CACNG2: variants seen among roughly 807,000 people sequenced by gnomAD.
CACNG2 encodes voltage-dependent calcium channel gamma-2 subunit.
A neutral mutation model predicts 25.9 loss-of-function variants in CACNG2; 3 were observed. The observed-to-expected ratio is 0.12, with a 90% confidence interval of 0.05 to 0.30. The LOEUF is 0.30. Among genes scored for constraint, CACNG2 ranks in the 10% least tolerant of loss-of-function variants. The pLI is 1.00. For synonymous variants in CACNG2, 167 were observed against 173.3 expected, an observed-to-expected ratio of 0.96 and a Z score of 0.29; for missense variants, 341 against 432.5, an observed-to-expected ratio of 0.79 and a Z score of 1.88.
intron 1 of CACNG2, among the ~76,000 whole-genome samples, chr22:36,670,004 T>C (rs113134412): frequency 0.09 from 13,633 of 152,228 alleles, 1,169 homozygotes; most frequent in African/African-American, 0.22. Flanking sequence ...TGAGCCAGCA[T>C]GCCCAGCTTC....
Position 36,567,890 on chromosome 22 carries a change from C to T in CACNG2, c.296-1397G>A, listed in dbSNP as rs2145906479. On this transcript the variant is annotated intron_variant, in intron 2 of 3. Coordinates refer to ENST00000300105, the MANE Select transcript of CACNG2 (RefSeq NM_006078.5). The stretch of plus-strand genomic sequence containing the variant: ...TTTGAGACGGAGTCTTCCCCTGTCA[C>T]CCAGGCTGGAGTGCAGTGGTGCAAT... Among the ~76,000 whole-genome samples the T allele has an allele frequency of 1.3e-5, 2 of 152,204 alleles. 1 individual carries two copies. Among genetic ancestry groups the T allele is most frequent in the South Asian group, 4.2e-4 (2 of 4,810 alleles).
chr22:36,674,675 G>A (rs1291594477), intron 1 of CACNG2, among the ~76,000 whole-genome samples: 1 of 152,156 alleles, frequency 6.6e-6, no homozygotes, highest in Non-Finnish European at 1.5e-5. Context: ...TACAGATGAG[G>A]AAACTGAGGC....
At chr22:36,669,081 T>C (rs1936913037) in intron 1 of CACNG2, among the ~76,000 whole-genome samples, 1 of 152,146 alleles carries the variant, frequency 6.6e-6, no homozygotes, top group African/African-American at 2.4e-5. Context: ...CTGGGTTTCC[T>C]TTAGCCCAGT....
chr22:36,703,442 C>T lies in CACNG2; in HGVS notation c.-866G>A, dbSNP rs1165326776. The T allele has an allele frequency of 6.5e-6, 1 of 152,812 alleles. No homozygotes were observed. The highest frequency in any genetic ancestry group is 1.5e-5 in the Non-Finnish European group (1 of 68,276). The allele number at this position is 152,812 out of a possible 1,614,324, so 9.5% of individuals were successfully genotyped here. On this transcript the variant is annotated 5_prime_UTR_variant, in exon 1 of 4. Transcript: ENST00000300105. ...CTCCTGGAAACGAGGGAGCCGGCGT[C>T]TTGCTGCAGGGTGGGCCGCGCGCCT...
chr22:36,590,338 A>G (rs1935570442), intron 1 of CACNG2, among the ~76,000 whole-genome samples: 1 of 152,142 alleles, frequency 6.6e-6, no homozygotes, highest in South Asian at 2.1e-4. Context: ...TGCCTATTTG[A>G]CATCTCCTGG....
chr22:36,609,694 A>G (rs866599674), intron 1 of CACNG2, among the ~76,000 whole-genome samples: 3 of 136,090 alleles, frequency 2.2e-5, no homozygotes, highest in African/African-American at 8.3e-5. Context: ...TCAACCCCCC[A>G]GAGCGTGATC....
intron 1 of CACNG2, among the ~76,000 whole-genome samples, chr22:36,598,707 G>A (rs774388255): frequency 2.0e-5 from 3 of 151,746 alleles, no homozygotes; most frequent in East Asian, 1.9e-4. Flanking sequence ...GGCCGAGCAC[G>A]GTGGCTCACG....
chr22:36,570,815 T>C (rs1187881033), intron 2 of CACNG2, among the ~76,000 whole-genome samples: 1 of 148,400 alleles, frequency 6.7e-6, no homozygotes, highest in Non-Finnish European at 1.5e-5. Flanking sequence ...AATAGCACCA[T>C]GCTTAGGCCA....
At chr22:36,619,036 T>C (rs1471106427) in intron 1 of CACNG2, among the ~76,000 whole-genome samples, 1 of 152,256 alleles carries the variant, frequency 6.6e-6, no homozygotes, top group Admixed American at 6.5e-5. Context: ...TCTGGCACTT[T>C]CCATAAAATA....
intron 1 of CACNG2, among the ~76,000 whole-genome samples, chr22:36,656,320 G>A (rs1473812350): frequency 6.6e-6 from 1 of 152,132 alleles, no homozygotes; most frequent in Non-Finnish European, 1.5e-5. Flanking sequence ...CTGTAAATTG[G>A]TAAGTTAGTA....
chr22:36,573,069 G>A (rs1272409274), intron 2 of CACNG2, among the ~76,000 whole-genome samples: 1 of 152,232 alleles, frequency 6.6e-6, no homozygotes, highest in Non-Finnish European at 1.5e-5. Flanking sequence ...ATGAGGGTAT[G>A]TGACAGGCTA....
At position 36,564,263 on chromosome 22, in the gene CACNG2, C is replaced by T; in HGVS notation, c.*88G>A. Reference sequence around the variant, plus strand: ...TTTTGTTTTTGCTTTTGGAAGGTCTCCCAGCGGAGGGTCTGGGTCTCCCCG... The same window carrying T: ...TTTTGTTTTTGCTTTTGGAAGGTCTTCCAGCGGAGGGTCTGGGTCTCCCCG... On this transcript the variant is annotated 3_prime_UTR_variant, in exon 4 of 4. Transcript: ENST00000300105. The surrounding 1 kb of genome is among the most constrained non-coding windows in gnomAD (Gnocchi z 6.7). The T allele has an allele frequency of 8.3e-7, 1 of 1,210,356 alleles. No homozygotes were observed. The highest frequency in any genetic ancestry group is 1.6e-5 in the South Asian group (1 of 62,262). The allele number at this position is 1,210,356 out of a possible 1,614,324, so 75.0% of individuals were successfully genotyped here. A position where few individuals can be genotyped will look rare whatever the true frequency, so the allele number is the denominator to read the frequency against.
intron 1 of CACNG2, among the ~76,000 whole-genome samples, chr22:36,605,906 T>G (rs1935824180): frequency 6.6e-6 from 1 of 152,210 alleles, no homozygotes; most frequent in African/African-American, 2.4e-5. Flanking sequence ...AATGACTCTG[T>G]CAACCCCAGA....
chr22:36,572,328 A>G (rs1935246167), intron 2 of CACNG2, among the ~76,000 whole-genome samples: 2 of 152,164 alleles, frequency 1.3e-5, no homozygotes, highest in South Asian at 4.1e-4. Flanking sequence ...AAATATTTTC[A>G]TCTTTGCTGG....
intron 2 of CACNG2, among the ~76,000 whole-genome samples, chr22:36,569,853 T>G (rs897225045): frequency 3.9e-4 from 60 of 152,188 alleles, no homozygotes; most frequent in African/African-American, 1.2e-3. Flanking sequence ...AGATAGTTTC[T>G]AATAGCTCTG....
intron 1 of CACNG2, among the ~76,000 whole-genome samples, chr22:36,622,518 A>G (rs1936121110): frequency 6.6e-6 from 1 of 152,232 alleles, no homozygotes; most frequent in Non-Finnish European, 1.5e-5. Flanking sequence ...TTAGCAACAT[A>G]TGTAACACAA....
chr22:36,697,230 G>A (rs920503955), intron 1 of CACNG2, among the ~76,000 whole-genome samples: 2 of 152,164 alleles, frequency 1.3e-5, no homozygotes, highest in African/African-American at 4.8e-5. Context: ...ACCCTGAAAG[G>A]TGCAAAGCAG....
chr22:36,599,008 A>G (rs1282607399), intron 1 of CACNG2, among the ~76,000 whole-genome samples: 1 of 152,210 alleles, frequency 6.6e-6, no homozygotes, highest in Non-Finnish European at 1.5e-5. Context: ...ATATCAAAAC[A>G]TACGTATAGC....
chr22:36,647,593 T>C (rs1936545922), intron 1 of CACNG2, among the ~76,000 whole-genome samples: 2 of 139,566 alleles, frequency 1.4e-5, no homozygotes, highest in South Asian at 4.2e-4. Context: ...AAAAACTCCA[T>C]ATCAAAAAAA....
Sources: allele counts gnomAD v4.1 joint callset (sites outside exome capture counted in the v4.1 genomes callset), GRCh38; gene constraint gnomAD v4.1.1; non-coding constraint Gnocchi (gnomAD v3.1); transcripts MANE v1.5; gene names NCBI Gene and HGNC (gene_info 2026-07-23, HGNC 2026-07-21).